The following TBL3 variants were observed in gnomAD, a reference collection of about 807,000 sequenced individuals.
TBL3 encodes the protein transducin beta-like protein 3.
Under a neutral mutation model 102.7 loss-of-function variants are expected in TBL3, and 71 were observed. The ratio of observed to expected loss-of-function variants is 0.69; its 90% CI spans 0.57 to 0.84. The LOEUF (loss-of-function observed/expected upper bound fraction) is 0.84, where lower values mean the gene tolerates loss of function less well. Ranked by LOEUF, TBL3 falls within the 40% of genes least tolerant of loss-of-function variation. TBL3 has a pLI of 0.00. For missense variants in TBL3, 1,188 were observed against 1,098.5 expected (o/e 1.08, Z -1.15); for synonymous variants, 578 against 477.7 (o/e 1.21, Z -2.74).
chr16:1,977,729 A>C lies in TBL3; in HGVS notation c.1900-13A>C. The C allele has an allele frequency of 3.2e-6, 5 of 1,552,698 alleles. No homozygotes were observed. The highest frequency in any genetic ancestry group is 4.4e-6 in the Non-Finnish European group (5 of 1,147,562). On this transcript the variant is annotated splice_polypyrimidine_tract_variant and intron_variant, in intron 17 of 21. Coordinates refer to ENST00000568546, the MANE Select transcript of TBL3 (RefSeq NM_006453.3). ...TGGAGTGGAGGCCCCATCTGACCCT[A>C]GTCTAACCCCAGGATGTGACCGAGG...
Position 1,974,019 on chromosome 16 carries a change from G to C in TBL3, c.42-37G>C, listed in dbSNP as rs369482631. On this transcript the variant is annotated intron_variant, in intron 1 of 21. Transcript: ENST00000568546. The stretch of plus-strand genomic sequence containing the variant: ...GGGCGGGGCCCTGGGGACTGAGGGG[G>C]TGGGTGGTGCTCATTCGCCTCCCGC... 3.3e-6 allele frequency: 5 copies of C among 1,518,152 alleles called. No homozygotes were observed. The African/African-American group carries it at 6.9e-5, about 21-fold the overall frequency. The allele number at this position is 1,518,152 out of a possible 1,614,324, so 94.0% of individuals were successfully genotyped here. A position where few individuals can be genotyped will look rare whatever the true frequency, so the allele number is the denominator to read the frequency against.
chr16:1,980,127 G>A lies in TBL3; in HGVS notation c.*1442G>A, dbSNP rs778418100. 2 of 1,606,596 alleles carry A rather than the reference G, an allele frequency of 1.2e-6. No homozygotes were observed. The highest frequency in any genetic ancestry group is 2.2e-5 in the South Asian group (2 of 89,962). ...GAGCCTCCAGACTGTGGATGGAGAGGCGGCCCGCAGCGCGAGAAAGAGGCT... is the reference window on the plus strand; with the variant it reads ...GAGCCTCCAGACTGTGGATGGAGAGACGGCCCGCAGCGCGAGAAAGAGGCT... On this transcript the variant is annotated 3_prime_UTR_variant, in exon 22 of 22. Transcript: ENST00000568546.
rs763495036 is a variant in TBL3, at chr16:1,975,598, G to A, written c.875G>A (p.Gly292Glu). ...ACGCAGGCCCAGCCGCCGGGCCCTG[G>A]GCAGGAGCTGACCCACTGCACCCTG... is the stretch of plus-strand genomic sequence containing the variant. ...VYTQAQPPGP[G>E]QELTHCTLAH... The change falls in exon 10 of 22, where the codon GGG (glycine) becomes GAG (glutamate). Residue 292 changes from glycine (G) to glutamate (E), a missense_variant. By Grantham distance (98) the Gly-to-Glu change is moderately conservative (BLOSUM62 -2). Coordinates refer to ENST00000568546, the MANE Select transcript of TBL3 (RefSeq NM_006453.3). 2 of 1,601,192 alleles carry A rather than the reference G, an allele frequency of 1.2e-6. No homozygotes were observed. Among genetic ancestry groups the A allele is most frequent in the African/African-American group, 1.3e-5 (1 of 74,910 alleles).
Position 1,979,407 on chromosome 16 carries a change from A to G in TBL3, c.*722A>G. 6.2e-7 allele frequency: 1 copy of G among 1,603,094 alleles called. No individual in the cohort carries two copies. Among genetic ancestry groups the G allele is most frequent in the Non-Finnish European group, 8.5e-7 (1 of 1,177,762 alleles). On this transcript the variant is annotated 3_prime_UTR_variant, in exon 22 of 22. Coordinates refer to ENST00000568546, the MANE Select transcript of TBL3 (RefSeq NM_006453.3). ...CCGCCTCGGCTAGCCTGCCCTGCCC[A>G]CGCCCGCTCCCGCGTACCTGCATAG...
At position 1,978,731 on chromosome 16, in the gene TBL3, A is replaced by G; in HGVS notation, c.*46A>G. On this transcript the variant is annotated 3_prime_UTR_variant, in exon 22 of 22. Coordinates refer to ENST00000568546, the MANE Select transcript of TBL3 (RefSeq NM_006453.3). The stretch of plus-strand genomic sequence containing the variant: ...TCCATCCTGAACCCCTGGAAAACCC[A>G]TAAAGGCCGCTCTCCTGGCCGGCTC... 6.3e-7 allele frequency: 1 copy of G among 1,581,830 alleles called. No individual in the cohort carries two copies. Among genetic ancestry groups the G allele is most frequent in the South Asian group, 1.1e-5 (1 of 89,308 alleles).
At chr16:1,972,797 C>G (rs1201705416) in intron 1 of TBL3, among the ~76,000 whole-genome samples, 3 of 152,212 alleles carry the variant, frequency 2.0e-5, no homozygotes, top group Admixed American at 2.0e-4. Flanking sequence ...AGGAAAGTCC[C>G]AGGCTGGCAG....
At chr16:1,973,773 C>T (rs1290525959) in intron 1 of TBL3, among the ~76,000 whole-genome samples, 1 of 152,168 alleles carries the variant, frequency 6.6e-6, no homozygotes, top group Non-Finnish European at 1.5e-5. Context: ...CTGGGGAATC[C>T]CTGGAAGCCC....
At position 1,972,147 on chromosome 16, in the gene TBL3, AGCG is replaced by A. The variant is rs747707126; in HGVS notation, c.-6_-4del. The stretch of plus-strand genomic sequence containing the variant: ...CGGGACCCTAGCAGGTTTCAGCTGG[AGCG>A]GCGGCGGCGGCAACATGGCAGAGAC... On this transcript the variant is annotated 5_prime_UTR_variant, in exon 1 of 22. Coordinates refer to ENST00000568546, the MANE Select transcript of TBL3 (RefSeq NM_006453.3). 65 of 1,468,336 alleles carry A rather than the reference AGCG, an allele frequency of 4.4e-5. No homozygotes were observed. Among genetic ancestry groups the A allele is most frequent in the Admixed American group, 2.0e-4 (8 of 39,242 alleles). 91.0% of individuals were successfully genotyped at this position (1,468,336 alleles called of 1,614,324 possible). A position where few individuals can be genotyped will look rare whatever the true frequency, so the allele number is the denominator to read the frequency against.
rs746851982 is a variant in TBL3, at chr16:1,979,350, CT to C, written c.*666del. 2.0e-5 allele frequency: 31 copies of C among 1,581,124 alleles called. No individual in the cohort carries two copies. The South Asian group carries it at 2.9e-4, about 15-fold the overall frequency. On this transcript the variant is annotated 3_prime_UTR_variant, in exon 22 of 22. Coordinates refer to ENST00000568546, the MANE Select transcript of TBL3 (RefSeq NM_006453.3). ...GAGTAGGCCCGCCCGGTCGCCGTAC[CT>C]GCGAGGGGCGGGGTGTGGTTAGGGC... is the stretch of plus-strand genomic sequence containing the variant.
rs1235438452 is a variant in TBL3, at chr16:1,981,312, C to A, written c.*2627C>A. ...TGGCAACACCTCAAGCCTGTGGGGT[C>A]CTTGTGGAGCCGCCCCAGCTGAGTC... is the stretch of plus-strand genomic sequence containing the variant. On this transcript the variant is annotated 3_prime_UTR_variant, in exon 22 of 22. Transcript: ENST00000568546. The A allele has an allele frequency of 6.8e-7, 1 of 1,460,256 alleles. No homozygotes were observed. The highest frequency in any genetic ancestry group is 9.0e-7 in the Non-Finnish European group (1 of 1,108,434). The allele number at this position is 1,460,256 out of a possible 1,614,324, so 90.5% of individuals were successfully genotyped here.
chr16:1,978,876 A>C lies in TBL3; in HGVS notation c.*191A>C. The C allele has an allele frequency of 9.3e-7, 1 of 1,071,302 alleles. No individual in the cohort carries two copies. Among genetic ancestry groups the C allele is most frequent in the Non-Finnish European group, 1.3e-6 (1 of 755,742 alleles). The allele number at this position is 1,071,302 out of a possible 1,614,324, so 66.4% of individuals were successfully genotyped here. A position where few individuals can be genotyped will look rare whatever the true frequency, so the allele number is the denominator to read the frequency against. Reference sequence around the variant, plus strand: ...CGCCCATCCCGCACCCTGGCCTGGCAGAGATCCAGCCCGCGGCTCCGCACG... The same window carrying C: ...CGCCCATCCCGCACCCTGGCCTGGCCGAGATCCAGCCCGCGGCTCCGCACG... On this transcript the variant is annotated 3_prime_UTR_variant, in exon 22 of 22. Transcript: ENST00000568546.
In TBL3 at chr16:1,974,254, G is replaced by C. The variant is rs1359413847; in HGVS notation, c.151G>C (p.Glu51Gln). The change falls in exon 3 of 22, where the codon GAA becomes CAA. Residue 51 changes from glutamate to glutamine, a missense_variant. Glu to Gln is a conservative substitution (Grantham distance 29). Coordinates refer to ENST00000568546, the MANE Select transcript of TBL3 (RefSeq NM_006453.3). ...CTGTGGCACCAGAGTCAACATTCTGGAAGTGGCCTCGGGGGCCGTGCTGCG... is the reference window on the plus strand; with the variant it reads ...CTGTGGCACCAGAGTCAACATTCTGCAAGTGGCCTCGGGGGCCGTGCTGCG... ...CVCGTRVNIL[E>Q]VASGAVLRSL... The C allele has an allele frequency of 6.2e-6, 10 of 1,603,492 alleles. No homozygotes were observed. Among genetic ancestry groups the C allele is most frequent in the Non-Finnish European group, 8.5e-6 (10 of 1,173,970 alleles).
chr16:1,981,435 GA>G lies in TBL3; in HGVS notation c.*2752del. On this transcript the variant is annotated 3_prime_UTR_variant, in exon 22 of 22. Coordinates refer to ENST00000568546, the MANE Select transcript of TBL3 (RefSeq NM_006453.3). ...GCAGAGCTGCTGGGAGGAAGAAGAA[GA>G]ATGAGCTTTCCAGCCCTGGAGGCGT... 2 of 883,876 alleles carry G rather than the reference GA, an allele frequency of 2.3e-6. No individual in the cohort carries two copies. Among genetic ancestry groups the G allele is most frequent in the Non-Finnish European group, 3.3e-6 (2 of 607,138 alleles). 54.8% of individuals were successfully genotyped at this position (883,876 alleles called of 1,614,324 possible).
intron 1 of TBL3, among the ~76,000 whole-genome samples, chr16:1,973,430 A>C (rs1303827818): frequency 6.6e-6 from 1 of 152,166 alleles, no homozygotes; most frequent in Non-Finnish European, 1.5e-5. Flanking sequence ...TCTCAGATCG[A>C]GACCCCTTCT....
At position 1,978,076 on chromosome 16, in the gene TBL3, C is replaced by CG. The variant is rs746766289; in HGVS notation, c.2062+21dup. 5.6e-6 allele frequency: 9 copies of CG among 1,604,102 alleles called. No individual in the cohort carries two copies. In the East Asian group the frequency reaches 6.7e-5, roughly 12 times the overall value. ...TGTCATCCAGGGTCAGTGCCCACCC[C>CG]GGGGGGCGAGGGGCTGGGTCTTCGG... On this transcript the variant is annotated intron_variant, in intron 19 of 21. Coordinates refer to ENST00000568546, the MANE Select transcript of TBL3 (RefSeq NM_006453.3).
At chr16:1,974,511 C>T (rs778179452) in intron 4 of TBL3, 27 bp from the exon 5 acceptor site, 4 of 1,588,228 alleles carry the variant, frequency 2.5e-6, no homozygotes, top group Middle Eastern at 1.7e-4. Flanking sequence ...TATTGCTGCC[C>T]CTCTGCTGAC....
intron 16 of TBL3, 40 bp from the exon 17 acceptor site, chr16:1,977,474 G>GGC: frequency 6.3e-7 from 1 of 1,594,104 alleles, no homozygotes; most frequent in South Asian, 1.1e-5. Context: ...GTGGCGGGGG[G>GGC]ACCTGCCTGA....
chr16:1,976,278 G>C lies in TBL3; in HGVS notation c.1256G>C (p.Gly419Ala). 6.2e-7 allele frequency: 1 copy of C among 1,614,040 alleles called. No individual in the cohort carries two copies. Among genetic ancestry groups the C allele is most frequent in the Non-Finnish European group, 8.5e-7 (1 of 1,180,004 alleles). Residue 419 changes from glycine (G) to alanine (A), a missense_variant, in exon 13 of 22, where the codon GGT becomes GCT. Physicochemically the swap from Gly to Ala is moderately conservative, Grantham distance 60. Transcript: ENST00000568546. ...GQVMCVAQGSGHTHSVGTVCC... is the reference protein window; with the variant it reads ...GQVMCVAQGSAHTHSVGTVCC... ...GTGATGTGCGTGGCTCAGGGTTCCG[G>C]TCACACACACAGTGTGGGCACCGTC...
chr16:1,977,881 C>A (rs1403169928), intron 18 of TBL3, 77 bp from the exon 19 acceptor site: 1 of 1,595,556 alleles, frequency 6.3e-7, no homozygotes, highest in African/African-American at 1.3e-5. Flanking sequence ...TGCCAGGCTC[C>A]CTGCCTGCTG....
Sources: gnomAD v4.1 joint callset for allele counts (sites outside exome capture counted in the v4.1 genomes callset) on GRCh38, gnomAD v4.1.1 for gene constraint, MANE v1.5 for transcripts, NCBI Gene and HGNC (gene_info 2026-07-23, HGNC 2026-07-21) for gene names.